The following TLL1 variants were observed in gnomAD, a reference collection of about 807,000 sequenced individuals.
TLL1 encodes tolloid like 1, also known as tolloid-like protein 1.
A neutral mutation model predicts 128.2 loss-of-function variants in TLL1; 49 were observed. The observed-to-expected ratio is 0.38, with a 90% CI of 0.30 to 0.48. TLL1 has a LOEUF of 0.48. TLL1 is among the 20% of genes least tolerant of loss of function. The pLI is 0.96. For synonymous variants in TLL1, 454 were observed against 418.8 expected (o/e 1.08, Z -1.03); for missense variants, 1,123 against 1,242.0 (o/e 0.90, Z 1.44).
rs1452545751 is a variant in TLL1, at chr4:166,102,258, T to G, written c.*1382T>G. On this transcript the variant is annotated 3_prime_UTR_variant, in exon 21 of 21. Transcript: ENST00000061240. ...GCTCTATGAAGAAAATCCATTTCCA[T>G]GACTGAAGCATTGGATATAAATATG... The G allele has an allele frequency of 6.6e-6, 1 of 152,482 alleles. No homozygotes were observed. The highest frequency in any genetic ancestry group is 2.4e-5 in the African/African-American group (1 of 41,448). The allele number at this position is 152,482 out of a possible 1,614,324, so 9.4% of individuals were successfully genotyped here.
In TLL1 at chr4:166,007,961, T is replaced by C; in HGVS notation, c.830T>C (p.Leu277Pro). 6.2e-7 allele frequency: 1 copy of C among 1,609,316 alleles called. No homozygotes were observed. Among genetic ancestry groups the C allele is most frequent in the Non-Finnish European group, 8.5e-7 (1 of 1,176,410 alleles). Reference sequence around the variant, plus strand: ...TTCTTAGGTCAAGAGTACAATTTTCTGAAGATGGAGCCTGGAGAAGTAAAC... The same window carrying C: ...TTCTTAGGTCAAGAGTACAATTTTCCGAAGATGGAGCCTGGAGAAGTAAAC... Reference protein sequence around the residue: ...NIQPGQEYNFLKMEPGEVNSL... With the variant: ...NIQPGQEYNFPKMEPGEVNSL... Residue 277 changes from leucine to proline, a missense_variant, in exon 7 of 21, where the codon CTG (leucine) becomes CCG (proline). Leu to Pro is a moderately conservative substitution (Grantham distance 98). Around this residue, in one of 3 missense-constraint regions of TLL1, gnomAD observed 480 missense variants for 542.4 expected, o/e 0.89. Coordinates refer to ENST00000061240, the MANE Select transcript of TLL1 (RefSeq NM_012464.5).
intron 16 of TLL1, 64 bp downstream of exon 16, chr4:166,065,927 T>C: frequency 6.5e-7 from 1 of 1,531,568 alleles, no homozygotes. Flanking sequence ...GATTAAATTG[T>C]ATGTGATCTA....
chr4:166,082,572 C>T (rs1399174355), intron 18 of TLL1, among the ~76,000 whole-genome samples: 1 of 152,102 alleles, frequency 6.6e-6, no homozygotes, highest in Non-Finnish European at 1.5e-5. Context: ...TACTCGTGTA[C>T]TTTGACATTT....
intron 18 of TLL1, among the ~76,000 whole-genome samples, chr4:166,080,294 C>G (rs1266865825): frequency 2.6e-5 from 4 of 152,070 alleles, no homozygotes; most frequent in South Asian, 4.1e-4. Flanking sequence ...GGGCTGCATC[C>G]CTATGGTTTA....
At chr4:166,006,177 T>C (rs189494231) in intron 6 of TLL1, among the ~76,000 whole-genome samples, 3 of 151,892 alleles carry the variant, frequency 2.0e-5, no homozygotes, top group East Asian at 1.9e-4. Context: ...AGGAACCAAA[T>C]TGGTATAAGG....
At chr4:165,927,469 T>C (rs1733327951) in intron 1 of TLL1, among the ~76,000 whole-genome samples, 1 of 152,254 alleles carries the variant, frequency 6.6e-6, no homozygotes, top group African/African-American at 2.4e-5. Flanking sequence ...GACAACATCG[T>C]TGTTTTTAAT....
intron 1 of TLL1, among the ~76,000 whole-genome samples, chr4:165,895,950 A>G (rs1731656783): frequency 6.6e-6 from 1 of 152,164 alleles, no homozygotes; most frequent in African/African-American, 2.4e-5. Flanking sequence ...TATTATTATT[A>G]TATTTTAAGT....
At chr4:166,003,673 TTGATA>T (rs1737269950) in intron 6 of TLL1, 104 bp downstream of exon 6, 6 of 1,191,858 alleles carry the variant, frequency 5.0e-6, no homozygotes, top group Non-Finnish European at 7.4e-6. Context: ...ACTGATATTT[TTGATA>T]TGATAGAGTA....
At chr4:165,975,208 G>C (rs1560784108) in intron 1 of TLL1, among the ~76,000 whole-genome samples, 1 of 152,124 alleles carries the variant, frequency 6.6e-6, no homozygotes, top group Non-Finnish European at 1.5e-5. Flanking sequence ...GTCTTTCAGT[G>C]AACAGCCTTC....
At chr4:166,004,449 T>C (rs1413068861) in intron 6 of TLL1, among the ~76,000 whole-genome samples, 5 of 152,102 alleles carry the variant, frequency 3.3e-5, no homozygotes, top group South Asian at 4.1e-4. Flanking sequence ...GATACTGTCA[T>C]GGAAAATACA....
chr4:165,983,257 A>G (rs769853199), intron 1 of TLL1, among the ~76,000 whole-genome samples: 1 of 151,906 alleles, frequency 6.6e-6, no homozygotes, highest in African/African-American at 2.4e-5. Flanking sequence ...ATTGTGGGCT[A>G]TAAGTGCAGA....
At chr4:165,934,730 C>T (rs1373911918) in intron 1 of TLL1, among the ~76,000 whole-genome samples, 1 of 152,238 alleles carries the variant, frequency 6.6e-6, no homozygotes, top group East Asian at 1.9e-4. Flanking sequence ...TAACCCATCT[C>T]CTGGTGGCCT....
At chr4:165,889,312 C>T (rs1731293774) in intron 1 of TLL1, among the ~76,000 whole-genome samples, 1 of 152,126 alleles carries the variant, frequency 6.6e-6, no homozygotes, top group Non-Finnish European at 1.5e-5. Context: ...ATTTGCTTAA[C>T]ATGGGGATTT....
chr4:165,997,528 C>A (rs116687444), intron 5 of TLL1, among the ~76,000 whole-genome samples: 1 of 152,034 alleles, frequency 6.6e-6, no homozygotes, highest in Admixed American at 6.6e-5. Context: ...GTAACTCTTG[C>A]GATTTTTTAA....
chr4:166,014,536 G>A lies in TLL1; in HGVS notation c.1018G>A (p.Ala340Thr). The change falls in exon 8 of 21, where the codon GCA becomes ACA. Residue 340 changes from alanine (A) to threonine (T), a missense_variant. Ala to Thr is a moderately conservative substitution (Grantham distance 58). This residue lies in a region of TLL1 where 480 missense variants were observed against 542.4 expected (regional missense o/e 0.89). Coordinates refer to ENST00000061240, the MANE Select transcript of TLL1 (RefSeq NM_012464.5). ...TCTAAGCAAAGGAGATATCGCACAG[G>A]CAAGAAAGCTGTATAGATGTCCAGG... The part of the protein sequence containing the change: ...TRLSKGDIAQ[A>T]RKLYRCPACG... The A allele has an allele frequency of 1.2e-6, 2 of 1,612,086 alleles. No individual in the cohort carries two copies. Among genetic ancestry groups the A allele is most frequent in the South Asian group, 2.2e-5 (2 of 91,058 alleles).
At chr4:165,911,028 A>T (rs949195655) in intron 1 of TLL1, among the ~76,000 whole-genome samples, 2 of 152,190 alleles carry the variant, frequency 1.3e-5, no homozygotes, top group African/African-American at 2.4e-5. Flanking sequence ...TATCATTTCT[A>T]TGTGTGGAGA....
At position 166,067,195 on chromosome 4, in the gene TLL1, A is replaced by G. The variant is rs553096568; in HGVS notation, c.2188+1332A>G. ...CCACATGAATCTAAAATGATTTTTA[A>G]AAAGAAAGTGTTCAGGATCCTTTTT... is the stretch of plus-strand genomic sequence containing the variant. On this transcript the variant is annotated intron_variant, in intron 16 of 20. Transcript: ENST00000061240. Among the ~76,000 whole-genome samples, 269 of 151,872 alleles carry G rather than the reference A, an allele frequency of 1.8e-3. 2 individuals carry two copies. The highest frequency in any genetic ancestry group is 6.3e-3 in the African/African-American group (262 of 41,512).
intron 1 of TLL1, among the ~76,000 whole-genome samples, chr4:165,902,252 C>G (rs1732030482): frequency 1.3e-5 from 2 of 151,588 alleles, no homozygotes; most frequent in African/African-American, 2.4e-5. Context: ...GGGGAGTGAA[C>G]AGTTCTGTCT....
chr4:166,008,994 C>T (rs901369586), intron 7 of TLL1, among the ~76,000 whole-genome samples: 4 of 151,196 alleles, frequency 2.6e-5, no homozygotes, highest in African/African-American at 9.7e-5. Context: ...CCATTTTTTC[C>T]AAACCAAAGT....
Sources: allele counts gnomAD v4.1 joint callset (sites outside exome capture counted in the v4.1 genomes callset), GRCh38; gene constraint gnomAD v4.1.1; regional missense constraint gnomAD v4.1.1; transcripts MANE v1.5; gene names NCBI Gene and HGNC (gene_info 2026-07-23, HGNC 2026-07-21).